The following SNX8 variants were observed in gnomAD, a reference collection of about 807,000 sequenced individuals.
The protein encoded by SNX8 is sorting nexin 8, also known as sorting nexin-8.
Under a neutral mutation model 51.6 loss-of-function variants are expected in SNX8, and 25 were observed. The observed-to-expected ratio is 0.48, with a 90% CI of 0.35 to 0.68. The LOEUF (loss-of-function observed/expected upper bound fraction) is 0.68. SNX8 is among the 30% of genes least tolerant of loss of function. The pLI, the probability that SNX8 is intolerant of heterozygous loss-of-function variation, is 0.00. For synonymous variants in SNX8, 324 were observed against 277.0 expected (o/e 1.17, Z -1.68); for missense variants, 695 against 624.0 (o/e 1.11, Z -1.21).
intron 1 of SNX8, among the ~76,000 whole-genome samples, chr7:2,321,029 A>G (rs1778498015): frequency 6.6e-6 from 1 of 152,160 alleles, no homozygotes; most frequent in Non-Finnish European, 1.5e-5. Context: ...CAATAAATAA[A>G]TAAGTAAAAT....
At chr7:2,308,761 A>C (rs1796602201) in intron 1 of SNX8, among the ~76,000 whole-genome samples, 1 of 151,456 alleles carries the variant, frequency 6.6e-6, no homozygotes, top group Non-Finnish European at 1.5e-5. Context: ...GCATAATTTA[A>C]TCACCATAAA....
chr7:2,345,678 T>C lies in SNX8; in HGVS notation c.-66+8544A>G, dbSNP rs1764758786. Reference sequence around the variant, plus strand: ...CTGGGCGAGACAGAGTGAGAATCCGTCCAAAAAAAAAAAAGAAGAAGAAAT... The same window carrying C: ...CTGGGCGAGACAGAGTGAGAATCCGCCCAAAAAAAAAAAAGAAGAAGAAAT... On this transcript the variant is annotated intron_variant, in intron 1 of 5. Transcript: ENST00000435336. Among the ~76,000 whole-genome samples, 8 of 115,856 alleles carry C rather than the reference T, an allele frequency of 6.9e-5. No individual in the cohort carries two copies. In the South Asian group the frequency reaches 1.9e-3, roughly 28 times the overall value. 76.0% of individuals were successfully genotyped at this position (115,856 alleles called of 152,430 possible).
At chr7:2,334,176 G>T (rs561815151) in intron 1 of SNX8, among the ~76,000 whole-genome samples, 8 of 152,132 alleles carry the variant, frequency 5.3e-5, no homozygotes, top group Non-Finnish European at 1.2e-4. Context: ...AGCTGAGGGG[G>T]TCGGATCATG....
At chr7:2,299,331 C>CTGGAAATACTCA (rs1283727246) in intron 1 of SNX8, 3 of 152,040 alleles carry the variant, frequency 2.0e-5, no homozygotes, top group African/African-American at 4.8e-5. Flanking sequence ...AAGTGTGGTG[C>CTGGAAATACTCA]TGGAAATACT....
chr7:2,254,521 T>G lies in SNX8; in HGVS notation c.*535A>C, dbSNP rs796210961. Reference sequence around the variant, plus strand: ...ACTCCCAGACCAGGGCTCCAGGTGTTGACTGCAGCAATTTCCCTAGAAAAT... The same window carrying G: ...ACTCCCAGACCAGGGCTCCAGGTGTGGACTGCAGCAATTTCCCTAGAAAAT... On this transcript the variant is annotated 3_prime_UTR_variant, in exon 11 of 11. Transcript: ENST00000222990. The G allele has an allele frequency of 5.3e-5, 9 of 169,008 alleles. No homozygotes were observed. Among genetic ancestry groups the G allele is most frequent in the East Asian group, 1.8e-4 (1 of 5,452 alleles). The allele number at this position is 169,008 out of a possible 1,614,324, so 10.5% of individuals were successfully genotyped here. A position where few individuals can be genotyped will look rare whatever the true frequency, so the allele number is the denominator to read the frequency against.
At chr7:2,322,667 C>G (rs1778546322) in intron 1 of SNX8, among the ~76,000 whole-genome samples, 2 of 151,872 alleles carry the variant, frequency 1.3e-5, no homozygotes, top group South Asian at 4.2e-4. Context: ...GCACTCCAGC[C>G]TGGGTGACAG....
Position 2,257,088 on chromosome 7 carries a change from C to T in SNX8, c.1135-65G>A, listed in dbSNP as rs79971597. ...GGCGACGGGAGCACCAAGGCCCGAA[C>T]ACCAGCGTGCTCCCTGAGCCAGGGC... On this transcript the variant is annotated intron_variant, in intron 9 of 10. Coordinates refer to ENST00000222990, the MANE Select transcript of SNX8 (RefSeq NM_013321.4). 1.0e-3 allele frequency: 1,524 copies of T among 1,495,762 alleles called. 22 individuals carry two copies. In the East Asian group the frequency reaches 0.029, roughly 28 times the overall value. 92.7% of individuals were successfully genotyped at this position (1,495,762 alleles called of 1,614,324 possible).
At chr7:2,257,628 C>G in intron 8 of SNX8, 107 bp downstream of exon 8, 11 of 1,564,236 alleles carry the variant, frequency 7.0e-6, no homozygotes, top group Non-Finnish European at 9.6e-6. Flanking sequence ...TCCCCTGCAG[C>G]CCTGGCTTCT....
intron 1 of SNX8, among the ~76,000 whole-genome samples, chr7:2,324,019 C>A (rs1219756212): frequency 1.3e-5 from 2 of 151,820 alleles, no homozygotes; most frequent in South Asian, 4.2e-4. Flanking sequence ...ACTTGGGAGG[C>A]TGAGGCAGGA....
intron 1 of SNX8, among the ~76,000 whole-genome samples, chr7:2,289,154 G>T (rs1480709755): frequency 6.6e-6 from 1 of 152,168 alleles, no homozygotes; most frequent in Non-Finnish European, 1.5e-5. Flanking sequence ...GGCTGCCCCT[G>T]TGGTGGGCGC....
At chr7:2,320,410 T>C (rs536365362) in intron 1 of SNX8, among the ~76,000 whole-genome samples, 1 of 152,210 alleles carries the variant, frequency 6.6e-6, no homozygotes, top group South Asian at 2.1e-4. Flanking sequence ...CCAGAGTATT[T>C]ACTGTTTATC....
At chr7:2,342,136 A>C (rs1435528699) in intron 1 of SNX8, among the ~76,000 whole-genome samples, 2 of 151,286 alleles carry the variant, frequency 1.3e-5, no homozygotes, top group African/African-American at 4.8e-5. Flanking sequence ...CCGAGATCTC[A>C]CCACTGCACT....
intron 1 of SNX8, among the ~76,000 whole-genome samples, chr7:2,289,418 CA>C (rs1465373740): frequency 1.3e-5 from 2 of 152,182 alleles, no homozygotes; most frequent in Non-Finnish European, 2.9e-5. Flanking sequence ...TTCACACTCC[CA>C]CCAGCAAGAG....
intron 10 of SNX8, 69 bp from the exon 11 acceptor site, chr7:2,255,238 G>A: frequency 9.7e-7 from 1 of 1,028,096 alleles, no homozygotes; most frequent in Admixed American, 2.7e-5. Context: ...TCTGATCCCA[G>A]TTCCTTCGCC....
chr7:2,293,719 C>CT (rs1212383578), intron 1 of SNX8, among the ~76,000 whole-genome samples: 1 of 151,670 alleles, frequency 6.6e-6, no homozygotes, highest in African/African-American at 2.4e-5. Context: ...AATCCCAGCA[C>CT]TTTGGGAGGC....
Position 2,307,413 on chromosome 7 carries a change from A to C in SNX8, c.94+6915T>G, listed in dbSNP as rs1212961338. On this transcript the variant is annotated intron_variant, in intron 1 of 10. Coordinates refer to ENST00000222990, the MANE Select transcript of SNX8 (RefSeq NM_013321.4). ...TTTGGGAAGCCAAGGCGGGGGGATC[A>C]CTGAGGTTCCAAGTTCGAGACCAGC... 2.6e-5 allele frequency among the ~76,000 whole-genome samples: 4 copies of C among 152,092 alleles called. No homozygotes were observed. The East Asian group carries it at 7.7e-4, about 29-fold the overall frequency.
At chr7:2,266,611 C>G (rs949874281) in intron 5 of SNX8, among the ~76,000 whole-genome samples, 2 of 152,196 alleles carry the variant, frequency 1.3e-5, no homozygotes, top group Non-Finnish European at 2.9e-5. Context: ...TCCCAAAGTG[C>G]TAGGATTACA....
At chr7:2,313,277 G>A (rs1239522325) in intron 1 of SNX8, among the ~76,000 whole-genome samples, 2 of 151,962 alleles carry the variant, frequency 1.3e-5, no homozygotes, top group African/African-American at 4.8e-5. Context: ...TGTAATCCCA[G>A]CACTCTGGGA....
chr7:2,319,814 CAAA>C (rs35408698), intron 1 of SNX8, among the ~76,000 whole-genome samples: 1 of 78,464 alleles, frequency 1.3e-5, no homozygotes, highest in Non-Finnish European at 2.5e-5. Flanking sequence ...GACTCCGTCT[CAAA>C]AAAAAAAAAA....
Sources: allele counts gnomAD v4.1 joint callset (sites outside exome capture counted in the v4.1 genomes callset), GRCh38; gene constraint gnomAD v4.1.1; transcripts MANE v1.5; gene names NCBI Gene and HGNC (gene_info 2026-07-23, HGNC 2026-07-21).